RETREG2: variants seen among roughly 807,000 people sequenced by gnomAD.
The protein encoded by RETREG2 is reticulophagy regulator 2.
Under a neutral mutation model 51.6 loss-of-function variants are expected in RETREG2, and 21 were observed. That is an observed-to-expected ratio of 0.41 (90% CI 0.29 to 0.59). The LOEUF (loss-of-function observed/expected upper bound fraction) is 0.59. Ranked by LOEUF, RETREG2 falls within the 20% of genes least tolerant of loss-of-function variation. The pLI is 0.34. For missense variants in RETREG2, 674 were observed against 646.0 expected (o/e 1.04, Z -0.47); for synonymous variants, 339 against 288.6 (o/e 1.17, Z -1.77).
chr2:219,181,327 C>G, intron 6 of RETREG2, 42 bp from the exon 7 acceptor site: 2 of 1,608,048 alleles, frequency 1.2e-6, no homozygotes, highest in Non-Finnish European at 1.7e-6. Context: ...CCCCTCCCAT[C>G]ATTCATGCTT....
At chr2:219,179,834 G>A in intron 3 of RETREG2, 71 bp downstream of exon 3, 15 of 1,498,872 alleles carry the variant, frequency 1.0e-5, no homozygotes, top group Non-Finnish European at 1.4e-5. Context: ...GTGTCACCAT[G>A]GAGCAGGGCA....
chr2:219,185,174 A>G lies in RETREG2; in HGVS notation c.*2545A>G, dbSNP rs1244895715. The stretch of plus-strand genomic sequence containing the variant: ...TTCACCATGGTCTGATGGTTGCTAC[A>G]TGTTTGTCTATGATTTTTTTTTTCT... On this transcript the variant is annotated 3_prime_UTR_variant, in exon 9 of 9. Transcript: ENST00000430297. 6.6e-6 allele frequency: 1 copy of G among 151,200 alleles called. No individual in the cohort carries two copies. Among genetic ancestry groups the G allele is most frequent in the Non-Finnish European group, 1.5e-5 (1 of 67,844 alleles). 9.4% of individuals were successfully genotyped at this position (151,200 alleles called of 1,614,324 possible).
Position 219,182,492 on chromosome 2 carries a change from G to T in RETREG2, c.1495G>T (p.Glu499Ter), listed in dbSNP as rs1452683735. ...TEDFELLDQGELEQLNAELGL... is the reference protein window; with the variant it reads ...TEDFELLDQG Reference sequence around the variant, plus strand: ...GGACTTTGAGTTGCTGGATCAGGGGGAGCTGGAGCAGCTGAATGCAGAGCT... The same window carrying T: ...GGACTTTGAGTTGCTGGATCAGGGGTAGCTGGAGCAGCTGAATGCAGAGCT... Residue 499 changes from glutamate (E) to a stop codon, truncating the protein, a stop_gained, in exon 9 of 9, where the codon GAG (glutamate) becomes TAG (stop). Transcript: ENST00000430297. LOFTEE classifies it high-confidence loss of function. 20 of 1,614,088 alleles carry T rather than the reference G, an allele frequency of 1.2e-5. No homozygotes were observed. Among genetic ancestry groups the T allele is most frequent in the Non-Finnish European group, 1.7e-5 (20 of 1,180,004 alleles).
chr2:219,180,931 G>A, intron 5 of RETREG2, 131 bp from the exon 6 acceptor site: 1 of 1,392,510 alleles, frequency 7.2e-7, no homozygotes, highest in Non-Finnish European at 1.0e-6. Context: ...AGTGGATGTG[G>A]CAAGAAGAGG....
Position 219,178,443 on chromosome 2 carries a change from G to A in RETREG2, c.91G>A (p.Gly31Ser), listed in dbSNP as rs1349559841. 4.0e-6 allele frequency: 3 copies of A among 750,320 alleles called. No homozygotes were observed. The highest frequency in any genetic ancestry group is 6.2e-6 in the Non-Finnish European group (3 of 482,600). The allele number at this position is 750,320 out of a possible 1,614,324, so 46.5% of individuals were successfully genotyped here. ...SLGLGLGLSLGMSEATSEAEE... is the reference protein window; with the variant it reads ...SLGLGLGLSLSMSEATSEAEE... ...GGGCCTGGGTCTGGGTCTGAGCCTAGGCATGAGTGAGGCCACCAGTGAGGC... is the reference window on the plus strand; with the variant it reads ...GGGCCTGGGTCTGGGTCTGAGCCTAAGCATGAGTGAGGCCACCAGTGAGGC... Residue 31 changes from glycine (G) to serine (S), a missense_variant, in exon 1 of 9, where the codon GGC becomes AGC. Gly to Ser is a moderately conservative substitution (Grantham distance 56). Transcript: ENST00000430297.
rs370732354 is a variant in RETREG2, at chr2:219,182,443, GGAA to G, written c.1452_1454del (p.Glu485del). 5.6e-5 allele frequency: 91 copies of G among 1,613,902 alleles called. No individual in the cohort carries two copies. The African/African-American group carries it at 1.0e-3, about 18-fold the overall frequency. ...CACCCCAGCCCCTGCCTGCCCCTGA[GGAA>G]GAAGAGGCACTCACCACTGAGGACT... is the stretch of plus-strand genomic sequence containing the variant. On this transcript the variant is annotated inframe_deletion, in exon 9 of 9. Coordinates refer to ENST00000430297, the MANE Select transcript of RETREG2 (RefSeq NM_024293.6).
At chr2:219,181,957 T>C (rs1032915520) in intron 8 of RETREG2, 56 bp from the exon 9 acceptor site, 24 of 1,591,842 alleles carry the variant, frequency 1.5e-5, no homozygotes, top group Non-Finnish European at 1.9e-5. Flanking sequence ...TCATTGTCTG[T>C]TGTGGCTAAT....
chr2:219,182,975 C>G lies in RETREG2; in HGVS notation c.*346C>G. On this transcript the variant is annotated 3_prime_UTR_variant, in exon 9 of 9. Transcript: ENST00000430297. Reference sequence around the variant, plus strand: ...CTGGTGGTCTGGCCCTTTCTTTTTCCTCCTATCCTCAGGGACCTGTGCTGC... The same window carrying G: ...CTGGTGGTCTGGCCCTTTCTTTTTCGTCCTATCCTCAGGGACCTGTGCTGC... The G allele has an allele frequency of 3.2e-6, 1 of 312,002 alleles. No homozygotes were observed. The highest frequency in any genetic ancestry group is 6.1e-6 in the Non-Finnish European group (1 of 163,676). 19.3% of individuals were successfully genotyped at this position (312,002 alleles called of 1,614,324 possible).
At chr2:219,180,864 A>G in intron 5 of RETREG2, 110 bp downstream of exon 5, 1 of 1,381,094 alleles carries the variant, frequency 7.2e-7, no homozygotes, top group Non-Finnish European at 1.0e-6. Flanking sequence ...ATTTGTGGAG[A>G]TCTCCAGGGA....
At position 219,181,179 on chromosome 2, in the gene RETREG2, C is replaced by G. The variant is rs1950272973; in HGVS notation, c.758C>G (p.Ala253Gly). The G allele has an allele frequency of 3.7e-6, 6 of 1,613,982 alleles. No homozygotes were observed. The South Asian group carries it at 6.6e-5, about 18-fold the overall frequency. Residue 253 changes from alanine (A) to glycine (G), a missense_variant, in exon 6 of 9, where the codon GCC (alanine) becomes GGC (glycine). Physicochemically the swap from Ala to Gly is moderately conservative, Grantham distance 60. Coordinates refer to ENST00000430297, the MANE Select transcript of RETREG2 (RefSeq NM_024293.6). The stretch of plus-strand genomic sequence containing the variant: ...TACAGCATGAAGGCAGAAGCCAATG[C>G]CCTGCATCACAAACACGACAAGAGG... Reference protein sequence around the residue: ...LDYSMKAEANALHHKHDKRKR... With the variant: ...LDYSMKAEANGLHHKHDKRKR...
Position 219,184,705 on chromosome 2 carries a change from C to T in RETREG2, c.*2076C>T, listed in dbSNP as rs1950325652. The T allele has an allele frequency of 6.6e-6, 1 of 151,962 alleles. No individual in the cohort carries two copies. Among genetic ancestry groups the T allele is most frequent in the Admixed American group, 6.6e-5 (1 of 15,246 alleles). The allele number at this position is 151,962 out of a possible 1,614,324, so 9.4% of individuals were successfully genotyped here. A position where few individuals can be genotyped will look rare whatever the true frequency, so the allele number is the denominator to read the frequency against. On this transcript the variant is annotated 3_prime_UTR_variant, in exon 9 of 9. Transcript: ENST00000430297. ...ATCTTTAATCTATTTTCTTATTAAG[C>T]TTGGACATTGACAATAGAACCAGAA...
At chr2:219,179,353 T>C (rs1574781756) in intron 2 of RETREG2, among the ~76,000 whole-genome samples, 1 of 152,228 alleles carries the variant, frequency 6.6e-6, no homozygotes, top group Non-Finnish European at 1.5e-5. Context: ...AAAACACAGA[T>C]GATAGAACTT....
At chr2:219,181,526 G>A (rs1950279195) in intron 7 of RETREG2, 63 bp downstream of exon 7, 1 of 1,604,008 alleles carries the variant, frequency 6.2e-7, no homozygotes, top group East Asian at 2.2e-5. Context: ...TTCTGCTTTG[G>A]AGCTGCCACC....
In RETREG2 at chr2:219,178,592, G is replaced by A. The variant is rs1950222870; in HGVS notation, c.240G>A (p.Leu80=). 2.0e-6 allele frequency: 3 copies of A among 1,470,710 alleles called. No homozygotes were observed. Among genetic ancestry groups the A allele is most frequent in the Non-Finnish European group, 2.7e-6 (3 of 1,119,534 alleles). The allele number at this position is 1,470,710 out of a possible 1,614,324, so 91.1% of individuals were successfully genotyped here. Residue 80 remains leucine (L), a synonymous_variant, in exon 1 of 9, where the codon CTG becomes CTA. Coordinates refer to ENST00000430297, the MANE Select transcript of RETREG2 (RefSeq NM_024293.6). ...AQRLLVWEKP[L]HSLVTAAALN... The stretch of plus-strand genomic sequence containing the variant: ...GGTTGCTGGTGTGGGAGAAGCCGCT[G>A]CACAGCCTGGTCACGGCGGCCGCGC...
At chr2:219,181,331 C>G in intron 6 of RETREG2, 38 bp from the exon 7 acceptor site, 1 of 1,608,724 alleles carries the variant, frequency 6.2e-7, no homozygotes, top group South Asian at 1.1e-5. Flanking sequence ...TCCCATCATT[C>G]ATGCTTGGTC....
chr2:219,182,341 C>T lies in RETREG2; in HGVS notation c.1344C>T (p.Thr448=). 1 of 1,613,982 alleles carries T rather than the reference C, an allele frequency of 6.2e-7. No individual in the cohort carries two copies. Among genetic ancestry groups the T allele is most frequent in the Non-Finnish European group, 8.5e-7 (1 of 1,179,976 alleles). The change falls in exon 9 of 9, where the codon ACC becomes ACT. Residue 448 remains threonine, a synonymous_variant. Transcript: ENST00000430297. ...VSGGLTALPG[T]LSPPLCLVGS... is the part of the protein sequence containing the mutation. ...GTGGCCTCACTGCTCTGCCCGGCAC[C>T]CTGTCACCTCCACTTTGCCTTGTTG...
intron 2 of RETREG2, 106 bp downstream of exon 2, chr2:219,179,134 TC>T: frequency 1.2e-6 from 1 of 838,350 alleles, no homozygotes. Flanking sequence ...GCCACCTGCC[TC>T]CCAGGCATGG....
rs1175748202 is a variant in RETREG2 at position 219,184,849 on chromosome 2, C to T, written c.*2220C>T. The T allele has an allele frequency of 1.4e-4, 5 of 34,590 alleles. No homozygotes were observed. The highest frequency in any genetic ancestry group is 2.9e-4 in the Non-Finnish European group (3 of 10,494). The allele number at this position is 34,590 out of a possible 1,614,324, so 2.1% of individuals were successfully genotyped here. On this transcript the variant is annotated 3_prime_UTR_variant, in exon 9 of 9. Coordinates refer to ENST00000430297, the MANE Select transcript of RETREG2 (RefSeq NM_024293.6). ...GGTTTTTTTTTTTTTTTTTTTGAGACGGAGTCTTGTTCTGTTGCCCAGGCT... is the reference window on the plus strand; with the variant it reads ...GGTTTTTTTTTTTTTTTTTTTGAGATGGAGTCTTGTTCTGTTGCCCAGGCT...
chr2:219,181,091 G>A lies in RETREG2; in HGVS notation c.670G>A (p.Val224Ile), dbSNP rs1207559101. 1 of 1,614,154 alleles carries A rather than the reference G, an allele frequency of 6.2e-7. No individual in the cohort carries two copies. The highest frequency in any genetic ancestry group is 8.5e-7 in the Non-Finnish European group (1 of 1,180,028). ...GAGTATCCTGCTGTGGCCCCTGGTGGTTTATCATGAGCTGATCCAGAGGAT... is the reference window on the plus strand; with the variant it reads ...GAGTATCCTGCTGTGGCCCCTGGTGATTTATCATGAGCTGATCCAGAGGAT... ...LLSILLWPLV[V>I]YHELIQRMYT... is the part of the protein sequence containing the mutation. Residue 224 changes from valine (V) to isoleucine (I), a missense_variant, in exon 6 of 9, where the codon GTT becomes ATT. Coordinates refer to ENST00000430297, the MANE Select transcript of RETREG2 (RefSeq NM_024293.6).
Sources: allele counts gnomAD v4.1 joint callset (sites outside exome capture counted in the v4.1 genomes callset), GRCh38; gene constraint gnomAD v4.1.1; transcripts MANE v1.5; gene names NCBI Gene and HGNC (gene_info 2026-07-23, HGNC 2026-07-21).